INPP4B: variants seen among roughly 807,000 people sequenced by gnomAD.
INPP4B encodes inositol polyphosphate-4-phosphatase type II B.
In INPP4B, 55 loss-of-function variants were observed where a neutral mutation model predicts 122.5. The observed-to-expected ratio is 0.45, with a 90% CI of 0.36 to 0.56. INPP4B has a LOEUF of 0.56. INPP4B is among the 20% of genes least tolerant of loss of function. The pLI, the probability that INPP4B is intolerant of heterozygous loss-of-function variation, is 0.00. For synonymous variants in INPP4B, 403 were observed against 388.7 expected (o/e 1.04, Z -0.43); for missense variants, 1,000 against 1,097.7 (o/e 0.91, Z 1.26).
chr4:142,152,946 C>T (rs1476692660), intron 17 of INPP4B, among the ~76,000 whole-genome samples: 3 of 152,122 alleles, frequency 2.0e-5, no homozygotes, highest in Non-Finnish European at 4.4e-5. Context: ...TATTGACTGA[C>T]TTACTAATCT....
At chr4:142,527,400 T>G (rs1827066387) in intron 2 of INPP4B, among the ~76,000 whole-genome samples, 1 of 151,960 alleles carries the variant, frequency 6.6e-6, no homozygotes, top group African/African-American at 2.4e-5. Context: ...TACAATATAT[T>G]TCTTGATAGT....
chr4:142,678,771 C>A (rs530701784), intron 2 of INPP4B, among the ~76,000 whole-genome samples: 1 of 152,004 alleles, frequency 6.6e-6, no homozygotes, highest in East Asian at 1.9e-4. Context: ...AGTAGCTGAT[C>A]TGAAGTTAGA....
chr4:142,674,137 C>A (rs997981389), intron 2 of INPP4B, among the ~76,000 whole-genome samples: 2 of 152,140 alleles, frequency 1.3e-5, no homozygotes, highest in Non-Finnish European at 2.9e-5. Context: ...CCAAGGCTCT[C>A]CCTATGGGTC....
At chr4:142,139,090 C>T (rs1806310859) in intron 18 of INPP4B, among the ~76,000 whole-genome samples, 1 of 152,150 alleles carries the variant, frequency 6.6e-6, no homozygotes, top group Non-Finnish European at 1.5e-5. Context: ...ATAGAACTTA[C>T]TCATGTACTA....
At chr4:142,607,054 C>G (rs1390699549) in intron 2 of INPP4B, among the ~76,000 whole-genome samples, 1 of 151,622 alleles carries the variant, frequency 6.6e-6, no homozygotes, top group Non-Finnish European at 1.5e-5. Flanking sequence ...TTTGGTAATA[C>G]TGTTTTCTAT....
intron 7 of INPP4B, among the ~76,000 whole-genome samples, chr4:142,374,314 G>A (rs1579883242): frequency 6.6e-6 from 1 of 151,862 alleles, no homozygotes; most frequent in East Asian, 1.9e-4. Context: ...AGAGGCCATT[G>A]TTCTAAGCAA....
chr4:142,195,419 T>C (rs113971597), intron 14 of INPP4B, among the ~76,000 whole-genome samples: 83 of 152,258 alleles, frequency 5.5e-4, no homozygotes, highest in African/African-American at 1.9e-3. Context: ...TAAGAGGGTA[T>C]ATCTCATGTT....
chr4:142,414,876 T>C (rs1475130801), intron 5 of INPP4B, among the ~76,000 whole-genome samples: 1 of 152,226 alleles, frequency 6.6e-6, no homozygotes, highest in African/African-American at 2.4e-5. Context: ...GTTTGCAGCT[T>C]TCTGCTGCTC....
intron 2 of INPP4B, among the ~76,000 whole-genome samples, chr4:142,534,275 G>A (rs1241014237): frequency 1.3e-5 from 2 of 152,100 alleles, no homozygotes; most frequent in Non-Finnish European, 2.9e-5. Context: ...TGGTTTGGAT[G>A]ATGGTGACAC....
At chr4:142,464,219 G>A (rs1458576942) in intron 2 of INPP4B, among the ~76,000 whole-genome samples, 3 of 151,914 alleles carry the variant, frequency 2.0e-5, no homozygotes, top group Admixed American at 6.6e-5. Flanking sequence ...ATGTTACCTG[G>A]TTCTTTTCTC....
chr4:142,472,682 T>C (rs1819086277), intron 2 of INPP4B, among the ~76,000 whole-genome samples: 1 of 152,176 alleles, frequency 6.6e-6, no homozygotes. Flanking sequence ...TCTGTATCAA[T>C]CTATGATTTC....
intron 3 of INPP4B, among the ~76,000 whole-genome samples, chr4:142,457,432 TAAGAA>T (rs1475282948): frequency 1.3e-5 from 2 of 152,090 alleles, no homozygotes; most frequent in Admixed American, 1.3e-4. Flanking sequence ...TGAAACTCCA[TAAGAA>T]AACAAAAATA....
At chr4:142,813,362 C>T (rs767890309) in intron 1 of INPP4B, among the ~76,000 whole-genome samples, 3 of 152,096 alleles carry the variant, frequency 2.0e-5, no homozygotes, top group Non-Finnish European at 2.9e-5. Flanking sequence ...GAAAACAAAC[C>T]TCTCCAGACA....
intron 3 of INPP4B, among the ~76,000 whole-genome samples, chr4:142,432,826 G>A (rs563213672): frequency 1.6e-4 from 24 of 152,200 alleles, no homozygotes; most frequent in Non-Finnish European, 2.6e-4. Flanking sequence ...TGAAAAGGAG[G>A]CAGTATGATG....
chr4:142,561,061 A>T (rs989214585), intron 2 of INPP4B, among the ~76,000 whole-genome samples: 3 of 152,260 alleles, frequency 2.0e-5, no homozygotes, highest in African/African-American at 7.2e-5. Flanking sequence ...TCCCCAAAAA[A>T]GTATTTAATA....
intron 25 of INPP4B, among the ~76,000 whole-genome samples, chr4:142,061,924 ATATATATATATATAT>A (rs1761080882): frequency 1.4e-4 from 5 of 35,910 alleles, no homozygotes; most frequent in Admixed American, 3.5e-4. Context: ...ATATATATAT[ATATATATATATATAT>A]ATCTGTAACT....
chr4:142,389,664 A>G (rs6825345), intron 7 of INPP4B, among the ~76,000 whole-genome samples: 41,240 of 152,058 alleles, frequency 0.27, 6,789 homozygotes, highest in South Asian at 0.4. Context: ...CCACATCCCA[A>G]ACTATACTGG....
intron 2 of INPP4B, among the ~76,000 whole-genome samples, chr4:142,616,162 A>G (rs761707686): frequency 5.9e-5 from 9 of 152,152 alleles, no homozygotes; most frequent in Non-Finnish European, 1.2e-4. Context: ...ACCCTCACCC[A>G]ATGAAATCTC....
chr4:142,469,202 C>T (rs1046940777), intron 2 of INPP4B, among the ~76,000 whole-genome samples: 17 of 151,410 alleles, frequency 1.1e-4, no homozygotes, highest in Admixed American at 4.6e-4. Flanking sequence ...GGTAAATTTG[C>T]AGCAATAGCT....
Sources: gnomAD v4.1 joint callset for allele counts (sites outside exome capture counted in the v4.1 genomes callset) on GRCh38, gnomAD v4.1.1 for gene constraint, MANE v1.5 for transcripts, NCBI Gene and HGNC (gene_info 2026-07-23, HGNC 2026-07-21) for gene names.